Variants in SLIT1 observed in about 807,000 individuals in gnomAD.
The protein encoded by SLIT1 is slit homolog 1 protein.
In SLIT1, 66 loss-of-function variants were observed where a neutral mutation model predicts 186.1. The observed-to-expected ratio is 0.35, with a 90% confidence interval of 0.29 to 0.44. The LOEUF (loss-of-function observed/expected upper bound fraction) is 0.44, where lower values mean the gene tolerates loss of function less well. Ranked by LOEUF, SLIT1 falls within the 20% of genes least tolerant of loss-of-function variation. SLIT1 has a pLI of 1.00. For missense variants in SLIT1, 1,638 were observed against 2,037.4 expected (o/e 0.80, Z 3.77); for synonymous variants, 761 against 833.8 (o/e 0.91, Z 1.50).
chr10:97,134,124 A>C (rs1849679667), intron 4 of SLIT1, among the ~76,000 whole-genome samples: 1 of 151,848 alleles, frequency 6.6e-6, no homozygotes, highest in African/African-American at 2.4e-5. Context: ...CTGCCATCTC[A>C]AGAGGCTGGG....
chr10:97,012,923 G>A (rs1040758049), intron 30 of SLIT1, among the ~76,000 whole-genome samples: 16 of 152,318 alleles, frequency 1.1e-4, no homozygotes, highest in African/African-American at 3.4e-4. Flanking sequence ...ATGAGACTAC[G>A]TTTGCACAAC....
chr10:97,116,552 G>T (rs1849511993), intron 4 of SLIT1, among the ~76,000 whole-genome samples: 1 of 152,230 alleles, frequency 6.6e-6, no homozygotes, highest in African/African-American at 2.4e-5. Flanking sequence ...TCTATGCCTG[G>T]TGAGCAGTGG....
In SLIT1 at chr10:97,185,899, C is replaced by A; in HGVS notation, c.-225G>T. On this transcript the variant is annotated 5_prime_UTR_variant, in exon 1 of 37. Transcript: ENST00000266058. ...GGCGGAGGGGGCTCGGCTCCTCTGC[C>A]GTTTCGCCGCCTGCGTCTCCCTCTC... The A allele has an allele frequency of 2.0e-6, 1 of 492,748 alleles. No homozygotes were observed. The highest frequency in any genetic ancestry group is 3.5e-6 in the Non-Finnish European group (1 of 282,562). 30.5% of individuals were successfully genotyped at this position (492,748 alleles called of 1,614,324 possible). A position where few individuals can be genotyped will look rare whatever the true frequency, so the allele number is the denominator to read the frequency against.
intron 17 of SLIT1, 21 bp downstream of exon 17, chr10:97,046,970 T>A (rs763049807): frequency 1.4e-5 from 23 of 1,596,174 alleles, no homozygotes; most frequent in Non-Finnish European, 2.0e-5. Flanking sequence ...ACAGACACCT[T>A]CTCGCCAATG....
At chr10:97,159,240 T>A (rs766160292) in intron 3 of SLIT1, among the ~76,000 whole-genome samples, 1 of 152,212 alleles carries the variant, frequency 6.6e-6, no homozygotes, top group Non-Finnish European at 1.5e-5. Flanking sequence ...ATCCTTCATC[T>A]AATATGTGAG....
intron 13 of SLIT1, among the ~76,000 whole-genome samples, chr10:97,050,961 AAG>A (rs1224261554): frequency 6.6e-6 from 1 of 152,060 alleles, no homozygotes; most frequent in African/African-American, 2.4e-5. Context: ...GGAAGCTGGA[AAG>A]AGAGAACACT....
intron 8 of SLIT1, among the ~76,000 whole-genome samples, chr10:97,061,937 G>C (rs963843541): frequency 6.6e-6 from 1 of 152,180 alleles, no homozygotes; most frequent in Non-Finnish European, 1.5e-5. Flanking sequence ...GACCAAATGA[G>C]ACAAAGCTAC....
chr10:97,008,136 T>G lies in SLIT1; in HGVS notation c.3342-1416A>C, dbSNP rs573841795. ...ATCTTATATAAGAAAATCCTACAGA[T>G]TCCAGTAAAATGCTATTAGAATTAA... On this transcript the variant is annotated intron_variant, in intron 31 of 36. Coordinates refer to ENST00000266058, the MANE Select transcript of SLIT1 (RefSeq NM_003061.3). Among the ~76,000 whole-genome samples, 16 of 152,210 alleles carry G rather than the reference T, an allele frequency of 1.1e-4. No individual in the cohort carries two copies. The South Asian group carries it at 2.9e-3, about 28-fold the overall frequency.
At chr10:97,033,208 C>G (rs1352629574) in intron 23 of SLIT1, among the ~76,000 whole-genome samples, 1 of 152,110 alleles carries the variant, frequency 6.6e-6, no homozygotes, top group African/African-American at 2.4e-5. Context: ...ACCACCACAC[C>G]TGACTAATTT....
intron 36 of SLIT1, 49 bp from the exon 37 acceptor site, chr10:97,001,399 G>A (rs769947292): frequency 6.9e-7 from 1 of 1,445,648 alleles, no homozygotes; most frequent in East Asian, 2.3e-5. Context: ...ACCCATGGGT[G>A]AGCTGCTGCC....
intron 22 of SLIT1, 102 bp from the exon 23 acceptor site, chr10:97,034,644 C>G (rs1848622370): frequency 9.2e-7 from 1 of 1,090,762 alleles, no homozygotes; most frequent in Non-Finnish European, 1.4e-6. Context: ...GGCCATTCCC[C>G]AGCCAGGTTG....
At chr10:97,090,388 T>A (rs1336079031) in intron 4 of SLIT1, among the ~76,000 whole-genome samples, 2 of 148,988 alleles carry the variant, frequency 1.3e-5, no homozygotes, top group Non-Finnish European at 3.0e-5. Context: ...GGCCGTGAGG[T>A]GGGCAAGAGC....
At chr10:97,161,547 C>A (rs762817646) in intron 3 of SLIT1, among the ~76,000 whole-genome samples, 5 of 152,144 alleles carry the variant, frequency 3.3e-5, no homozygotes, top group Non-Finnish European at 5.9e-5. Context: ...GAGGCCAAGG[C>A]GGGCGGATCA....
intron 5 of SLIT1, among the ~76,000 whole-genome samples, 170 bp downstream of exon 5, chr10:97,065,845 C>T (rs1176576472): frequency 6.6e-6 from 1 of 152,190 alleles, no homozygotes; most frequent in Admixed American, 6.5e-5. Context: ...CTGCCTGTTT[C>T]CTCCAACCCC....
chr10:97,135,548 G>C (rs900381044), intron 4 of SLIT1, among the ~76,000 whole-genome samples: 4 of 152,194 alleles, frequency 2.6e-5, no homozygotes, highest in Admixed American at 6.5e-5. Flanking sequence ...TGGAGGCCGA[G>C]CAATAGTGAG....
intron 22 of SLIT1, 105 bp downstream of exon 22, chr10:97,037,593 C>T (rs1440123433): frequency 1.5e-5 from 13 of 841,326 alleles, no homozygotes; most frequent in East Asian, 5.1e-5. Flanking sequence ...GGAAAAGAAG[C>T]AGGATCTGCC....
At chr10:97,027,902 G>A (rs530813755) in intron 25 of SLIT1, among the ~76,000 whole-genome samples, 2 of 152,152 alleles carry the variant, frequency 1.3e-5, no homozygotes, top group Non-Finnish European at 2.9e-5. Context: ...GAGTACAAGA[G>A]ATACATTAAG....
At chr10:97,091,081 C>T (rs560411204) in intron 4 of SLIT1, among the ~76,000 whole-genome samples, 47 of 152,348 alleles carry the variant, frequency 3.1e-4, no homozygotes, top group African/African-American at 1.1e-3. Flanking sequence ...CTGTTCACTC[C>T]GGTTTGATAT....
intron 4 of SLIT1, among the ~76,000 whole-genome samples, chr10:97,156,366 C>T (rs1001204035): frequency 2.6e-5 from 4 of 152,116 alleles, no homozygotes; most frequent in Non-Finnish European, 4.4e-5. Context: ...TCGCTTGAGC[C>T]TAGGAGTTTG....
Sources: gnomAD v4.1 joint callset for allele counts (sites outside exome capture counted in the v4.1 genomes callset) on GRCh38, gnomAD v4.1.1 for gene constraint, MANE v1.5 for transcripts, NCBI Gene and HGNC (gene_info 2026-07-23, HGNC 2026-07-21) for gene names.